The following GDAP1 variants were observed in gnomAD, a reference collection of about 807,000 sequenced individuals.
GDAP1 encodes the protein ganglioside induced differentiation associated protein 1.
In GDAP1, 34 loss-of-function variants were observed where a neutral mutation model predicts 40.1. The ratio of observed to expected loss-of-function variants is 0.85; its 90% confidence interval spans 0.64 to 1.13. GDAP1 has a LOEUF of 1.13. Among genes scored for constraint, GDAP1 ranks in the 50% most tolerant of loss-of-function variants. The pLI is 0.00. For synonymous variants in GDAP1, 170 were observed against 157.4 expected (o/e 1.08, Z -0.60); for missense variants, 374 against 433.7 (o/e 0.86, Z 1.22).
intron 2 of GDAP1, among the ~76,000 whole-genome samples, chr8:74,389,129 A>G (rs1211795671): frequency 6.6e-6 from 1 of 152,018 alleles, no homozygotes; most frequent in Non-Finnish European, 1.5e-5. Flanking sequence ...TTGACTCTTT[A>G]TCTAATGTGC....
In GDAP1 at chr8:74,365,967, T is replaced by C. The variant is rs1809612571; in HGVS notation, c.*1600T>C. On this transcript the variant is annotated 3_prime_UTR_variant, in exon 6 of 6. Transcript: ENST00000220822. ...ATAGAAGTTATTATTCATTAGTTCA[T>C]AGTGTTTGAGTTCTTTATGTCACTC... The C allele has an allele frequency of 2.2e-6, 1 of 452,398 alleles. No individual in the cohort carries two copies. The highest frequency in any genetic ancestry group is 2.0e-5 in the African/African-American group (1 of 49,918). 28.0% of individuals were successfully genotyped at this position (452,398 alleles called of 1,614,324 possible). A position where few individuals can be genotyped will look rare whatever the true frequency, so the allele number is the denominator to read the frequency against.
chr8:74,381,480 G>A (rs1373714817), intron 2 of GDAP1, among the ~76,000 whole-genome samples: 1 of 152,146 alleles, frequency 6.6e-6, no homozygotes, highest in African/African-American at 2.4e-5. Context: ...GTAGGGCTGG[G>A]TATGGTGGCT....
At chr8:74,368,979 A>G (rs531290951), downstream of GDAP1, among the ~76,000 whole-genome samples, 152 of 152,276 alleles carry the variant, frequency 1.0e-3, no homozygotes, top group Middle Eastern at 0.01. Context: ...CACCCATCCT[A>G]AAAAAGCCTG....
At chr8:74,379,132 C>T (rs1809907374) in intron 2 of GDAP1, among the ~76,000 whole-genome samples, 1 of 151,628 alleles carries the variant, frequency 6.6e-6, no homozygotes, top group African/African-American at 2.4e-5. Flanking sequence ...TCATGTTTGT[C>T]CGACTTTCAG....
chr8:74,454,860 T>TTCA (rs2131577562), intron 2 of GDAP1, among the ~76,000 whole-genome samples: 1 of 151,612 alleles, frequency 6.6e-6, no homozygotes, highest in South Asian at 2.1e-4. Context: ...GATAGACATA[T>TTCA]TTGAAACCAA....
intron 2 of GDAP1, among the ~76,000 whole-genome samples, chr8:74,424,187 A>G (rs763645499): frequency 1.3e-5 from 2 of 152,156 alleles, no homozygotes; most frequent in African/African-American, 2.4e-5. Flanking sequence ...TACCTAATAC[A>G]ATATAAATGA....
At chr8:74,469,630 CT>C (rs2131583516) in intron 2 of GDAP1, among the ~76,000 whole-genome samples, 1 of 146,994 alleles carries the variant, frequency 6.8e-6, no homozygotes, top group Admixed American at 6.9e-5. Context: ...GATCGCGCCA[CT>C]GCACTCCAGC....
intron 2 of GDAP1, among the ~76,000 whole-genome samples, chr8:74,465,374 C>G (rs552245736): frequency 6.6e-5 from 10 of 152,234 alleles, no homozygotes; most frequent in African/African-American, 2.2e-4. Flanking sequence ...TCCCTTACCC[C>G]TTTCATGCAA....
At chr8:74,370,698 G>A (rs1248791111), downstream of GDAP1, among the ~76,000 whole-genome samples, 2 of 152,124 alleles carry the variant, frequency 1.3e-5, no homozygotes, top group Non-Finnish European at 2.9e-5. Context: ...TCCAATTGAA[G>A]GTCAGAGATC....
chr8:74,380,873 T>A (rs1809940554), intron 2 of GDAP1, among the ~76,000 whole-genome samples: 1 of 152,208 alleles, frequency 6.6e-6, no homozygotes, highest in East Asian at 1.9e-4. Context: ...AAAATGCTCA[T>A]GCCTTTTATT....
At chr8:74,478,519 T>C (rs1372307053) in intron 2 of GDAP1, among the ~76,000 whole-genome samples, 1 of 152,006 alleles carries the variant, frequency 6.6e-6, no homozygotes, top group Non-Finnish European at 1.5e-5. Flanking sequence ...CAAGCAGGCA[T>C]GGCCAAGCTG....
Position 74,350,523 on chromosome 8 carries a change from A to G in GDAP1, c.62A>G (p.Asp21Gly), listed in dbSNP as rs1192443765. Residue 21 changes from aspartate (D) to glycine (G), a missense_variant, in exon 1 of 6, where the codon GAC becomes GGC. Physicochemically the swap from Asp to Gly is moderately conservative, Grantham distance 94. Coordinates refer to ENST00000220822, the MANE Select transcript of GDAP1 (RefSeq NM_018972.4). ...CCCTTGAGGGCGGAAGGCAAGGCCG[A>G]CGCGGAGGTTAAGCTCATTCTGTAC... Reference protein sequence around the residue: ...SPPLRAEGKADAEVKLILYHW... With the variant: ...SPPLRAEGKAGAEVKLILYHW... 2 of 1,613,758 alleles carry G rather than the reference A, an allele frequency of 1.2e-6. No homozygotes were observed. Among genetic ancestry groups the G allele is most frequent in the Non-Finnish European group, 1.7e-6 (2 of 1,179,656 alleles).
chr8:74,397,108 G>T (rs1475610577), intron 2 of GDAP1, among the ~76,000 whole-genome samples: 1 of 152,026 alleles, frequency 6.6e-6, no homozygotes, highest in Non-Finnish European at 1.5e-5. Context: ...GATGGCCAGT[G>T]ATGGTGAGCA....
At chr8:74,354,759 C>G (rs1359624194) in intron 2 of GDAP1, among the ~76,000 whole-genome samples, 1 of 152,192 alleles carries the variant, frequency 6.6e-6, no homozygotes, top group Non-Finnish European at 1.5e-5. Flanking sequence ...TGAGTTGTAA[C>G]CCTCTGCATT....
chr8:74,392,268 G>C (rs550390863), intron 2 of GDAP1, among the ~76,000 whole-genome samples: 1 of 152,164 alleles, frequency 6.6e-6, no homozygotes, highest in Admixed American at 6.5e-5. Context: ...GATCATGGAA[G>C]TACTTCCCAG....
Position 74,366,515 on chromosome 8 carries a change from A to C in GDAP1, c.*2148A>C, listed in dbSNP as rs2131527330. ...TCAAGCTAGAGTTAAACACAGTATT[A>C]GCTAAATAGGCACTTATGTGTATTT... On this transcript the variant is annotated 3_prime_UTR_variant, in exon 6 of 6. Coordinates refer to ENST00000220822, the MANE Select transcript of GDAP1 (RefSeq NM_018972.4). 2.2e-6 allele frequency: 1 copy of C among 454,346 alleles called. No homozygotes were observed. The highest frequency in any genetic ancestry group is 4.4e-6 in the Non-Finnish European group (1 of 226,742). The allele number at this position is 454,346 out of a possible 1,614,324, so 28.1% of individuals were successfully genotyped here. A position where few individuals can be genotyped will look rare whatever the true frequency, so the allele number is the denominator to read the frequency against.
At chr8:74,478,306 C>A (rs1806661470) in intron 2 of GDAP1, among the ~76,000 whole-genome samples, 1 of 152,074 alleles carries the variant, frequency 6.6e-6, no homozygotes, top group Non-Finnish European at 1.5e-5. Flanking sequence ...CACAGCTGTG[C>A]CGGCCAAGGG....
In GDAP1 at chr8:74,419,267, A is replaced by G. The variant is rs149669659; in HGVS notation, c.165+67946A>G. On this transcript the variant is annotated intron_variant, in intron 2 of 2. Transcript: ENST00000523640. ...TTTCTTCATAATTGCCTCCAAGTAG[A>G]AACCATCCAAATGTCTTCCAACAAG... 3.7e-4 allele frequency among the ~76,000 whole-genome samples: 56 copies of G among 152,338 alleles called. No homozygotes were observed. In the East Asian group the frequency reaches 0.01, roughly 28 times the overall value.
chr8:74,470,035 A>G (rs1235869027), intron 2 of GDAP1, among the ~76,000 whole-genome samples: 1 of 152,102 alleles, frequency 6.6e-6, no homozygotes, highest in East Asian at 1.9e-4. Flanking sequence ...TTGAGCCTGG[A>G]GGTTTATTTG....
Sources: gnomAD v4.1 joint callset for allele counts (sites outside exome capture counted in the v4.1 genomes callset) on GRCh38, gnomAD v4.1.1 for gene constraint, MANE v1.5 for transcripts, NCBI Gene and HGNC (gene_info 2026-07-23, HGNC 2026-07-21) for gene names.